PAPPA: variants seen among roughly 807,000 people sequenced by gnomAD.
PAPPA encodes the protein pappalysin-1.
In PAPPA, 60 loss-of-function variants were observed where a neutral mutation model predicts 164.0. The ratio of observed to expected loss-of-function variants is 0.37; its 90% CI spans 0.30 to 0.45. The LOEUF (loss-of-function observed/expected upper bound fraction) is 0.45, where lower values mean the gene tolerates loss of function less well. Among genes scored for constraint, PAPPA ranks in the 20% least tolerant of loss-of-function variants. The pLI is 1.00. For missense variants in PAPPA, 1,782 were observed against 2,087.3 expected (o/e 0.85, Z 2.85); for synonymous variants, 875 against 814.1 (o/e 1.07, Z -1.27).
At chr9:116,248,298 A>G (rs1844820393) in intron 7 of PAPPA, among the ~76,000 whole-genome samples, 1 of 152,248 alleles carries the variant, frequency 6.6e-6, no homozygotes, top group African/African-American at 2.4e-5. Flanking sequence ...CCTGGATTCT[A>G]GTACTGGTAT....
chr9:116,291,393 A>T (rs541023552), intron 9 of PAPPA, among the ~76,000 whole-genome samples: 56 of 152,284 alleles, frequency 3.7e-4, no homozygotes, highest in African/African-American at 1.3e-3. Flanking sequence ...TCCCCCTAAT[A>T]TGTGCTTGGA....
In PAPPA at chr9:116,154,585, C is replaced by A; in HGVS notation, c.413C>A (p.Thr138Lys). ...EGGQRSPAVITGLYDKCSYIS... is the reference protein window; with the variant it reads ...EGGQRSPAVIKGLYDKCSYIS... Reference sequence around the variant, plus strand: ...GGCCAGAGGTCTCCGGCAGTGATCACAGGTAGGTGAGGGCGCCTCGGCGGG... The same window carrying A: ...GGCCAGAGGTCTCCGGCAGTGATCAAAGGTAGGTGAGGGCGCCTCGGCGGG... Residue 138 changes from threonine (T) to lysine (K), a missense_variant and splice_region_variant, in exon 1 of 22, where the codon ACA (threonine) becomes AAA (lysine). Coordinates refer to ENST00000328252, the MANE Select transcript of PAPPA (RefSeq NM_002581.5). The surrounding 1 kb of genome is among the most constrained non-coding windows in gnomAD (Gnocchi z 5.2). 1 of 1,359,780 alleles carries A rather than the reference C, an allele frequency of 7.4e-7. No individual in the cohort carries two copies. The allele number at this position is 1,359,780 out of a possible 1,614,324, so 84.2% of individuals were successfully genotyped here. A position where few individuals can be genotyped will look rare whatever the true frequency, so the allele number is the denominator to read the frequency against.
intron 2 of PAPPA, among the ~76,000 whole-genome samples, chr9:116,203,501 T>C (rs1047856395): frequency 2.6e-5 from 4 of 152,112 alleles, no homozygotes; most frequent in African/African-American, 9.7e-5. Flanking sequence ...CCAAAGCAGA[T>C]TGATAAGTAC....
intron 2 of PAPPA, among the ~76,000 whole-genome samples, chr9:116,205,106 A>G (rs1308764955): frequency 6.7e-6 from 1 of 149,038 alleles, no homozygotes; most frequent in Non-Finnish European, 1.5e-5. Flanking sequence ...GGGTTCCCCT[A>G]GGAGAGGTGG....
At chr9:116,183,298 T>C (rs1470945063) in intron 1 of PAPPA, among the ~76,000 whole-genome samples, 1 of 152,160 alleles carries the variant, frequency 6.6e-6, no homozygotes, top group Admixed American at 6.5e-5. Context: ...AATCAACACA[T>C]ATTTTTGAGC....
At chr9:116,255,974 T>C (rs1368361307) in intron 7 of PAPPA, among the ~76,000 whole-genome samples, 1 of 151,062 alleles carries the variant, frequency 6.6e-6, no homozygotes, top group Non-Finnish European at 1.5e-5. Flanking sequence ...TACTGCTCAG[T>C]ATGGTGTGAA....
intron 7 of PAPPA, among the ~76,000 whole-genome samples, chr9:116,240,529 T>C (rs1172870626): frequency 6.6e-6 from 1 of 152,136 alleles, no homozygotes; most frequent in Non-Finnish European, 1.5e-5. Flanking sequence ...GGTTCTGGAA[T>C]GAAGAATGAG....
intron 9 of PAPPA, among the ~76,000 whole-genome samples, chr9:116,296,082 G>A (rs1845502680): frequency 1.3e-5 from 2 of 152,184 alleles, no homozygotes; most frequent in South Asian, 4.1e-4. Flanking sequence ...GAATTACTGG[G>A]TTCTTAGTGT....
chr9:116,227,535 G>T lies in PAPPA; in HGVS notation c.2216G>T (p.Ser739Ile). Residue 739 changes from serine (S) to isoleucine (I), a missense_variant, in exon 6 of 22, where the codon AGC (serine) becomes ATC (isoleucine). Around this residue, in one of 2 missense-constraint regions of PAPPA, gnomAD observed 1,324 missense variants for 1,656.9 expected, o/e 0.80. Coordinates refer to ENST00000328252, the MANE Select transcript of PAPPA (RefSeq NM_002581.5). ...CCCTGCAGCCCATCAGGACACTGGA[G>T]CCCTCGTGAAGCAGAAGGTAAGCCA... ...PMPCSPSGHW[S>I]PREAEGHPDV... is the part of the protein sequence containing the mutation. The T allele has an allele frequency of 6.2e-7, 1 of 1,614,012 alleles. No homozygotes were observed. Among genetic ancestry groups the T allele is most frequent in the Non-Finnish European group, 8.5e-7 (1 of 1,179,958 alleles).
chr9:116,235,566 G>A lies in PAPPA; in HGVS notation c.2661G>A (p.Lys887=). The change falls in exon 7 of 22, where the codon AAG becomes AAA. Residue 887 remains lysine, a synonymous_variant. Coordinates refer to ENST00000328252, the MANE Select transcript of PAPPA (RefSeq NM_002581.5). ...LCLQCKPLKY[K]VVRDPPLQMD... The stretch of plus-strand genomic sequence containing the variant: ...TACAGTGTAAGCCCCTGAAGTATAA[G>A]GTGGTCCGGGACCCTCCTCTCCAGA... 6.2e-7 allele frequency: 1 copy of A among 1,613,614 alleles called. No homozygotes were observed.
At chr9:116,332,268 T>A (rs1846002651) in intron 11 of PAPPA, 65 bp from the exon 12 acceptor site, 2 of 1,471,696 alleles carry the variant, frequency 1.4e-6, no homozygotes, top group Non-Finnish European at 1.9e-6. Context: ...TGCACCCCAA[T>A]GTGGCTGCCT....
chr9:116,322,436 G>A (rs923381260), intron 10 of PAPPA, among the ~76,000 whole-genome samples: 8 of 143,744 alleles, frequency 5.6e-5, no homozygotes, highest in Admixed American at 3.5e-4. Context: ...AAAAAAAAGA[G>A]CTGGTGCCCT....
At chr9:116,305,066 C>A (rs1681684591) in intron 10 of PAPPA, among the ~76,000 whole-genome samples, 1 of 151,876 alleles carries the variant, frequency 6.6e-6, no homozygotes, top group South Asian at 2.1e-4. Flanking sequence ...AACACACACA[C>A]ACACACACCC....
intron 17 of PAPPA, among the ~76,000 whole-genome samples, chr9:116,360,294 T>C (rs900178945): frequency 6.6e-6 from 1 of 150,856 alleles, no homozygotes; most frequent in Non-Finnish European, 1.5e-5. Context: ...TGAAGCCACA[T>C]GAAGCTGCGT....
rs531134805 is a variant in PAPPA, at chr9:116,253,694, A to G, written c.2733-12163A>G. On this transcript the variant is annotated intron_variant, in intron 7 of 21. Coordinates refer to ENST00000328252, the MANE Select transcript of PAPPA (RefSeq NM_002581.5). Reference sequence around the variant, plus strand: ...CATACATAGTCATCACTCAGTGGAAAAAACTGTGTGTATATAACTTTAATA... The same window carrying G: ...CATACATAGTCATCACTCAGTGGAAGAAACTGTGTGTATATAACTTTAATA... 3.3e-5 allele frequency among the ~76,000 whole-genome samples: 5 copies of G among 152,338 alleles called. No individual in the cohort carries two copies. The South Asian group carries it at 8.3e-4, about 25-fold the overall frequency.
At chr9:116,298,501 G>A (rs1375248080) in intron 9 of PAPPA, among the ~76,000 whole-genome samples, 2 of 152,144 alleles carry the variant, frequency 1.3e-5, no homozygotes, top group Non-Finnish European at 2.9e-5. Context: ...AGATGGCGTG[G>A]GATGGAGAAA....
intron 9 of PAPPA, among the ~76,000 whole-genome samples, chr9:116,291,282 G>T (rs1291310377): frequency 1.3e-5 from 2 of 151,918 alleles, no homozygotes; most frequent in African/African-American, 2.4e-5. Context: ...TTCAAATTCA[G>T]TTAGGATAGA....
In PAPPA at chr9:116,220,148, G is replaced by A. The variant is rs200154054; in HGVS notation, c.2111+19G>A. 276 of 1,576,520 alleles carry A rather than the reference G, an allele frequency of 1.8e-4. 2 individuals are homozygous for A. The East Asian group carries it at 4.4e-3, about 25-fold the overall frequency. On this transcript the variant is annotated intron_variant, in intron 5 of 21. Coordinates refer to ENST00000328252, the MANE Select transcript of PAPPA (RefSeq NM_002581.5). ...TTGAAAGGTGAGTGTGCCCTGTGTA[G>A]TGTTGATCCCTCTCTCTCTCTCCTG...
rs562555668 is a variant in PAPPA, at chr9:116,154,008, C to T, written c.-165C>T. ...TCAAAGGTGGGGAGAGTGGAGCACA[C>T]ACCTTGAGGAGGAAAGCGAGAAAGA... On this transcript the variant is annotated 5_prime_UTR_variant, in exon 1 of 22. Coordinates refer to ENST00000328252, the MANE Select transcript of PAPPA (RefSeq NM_002581.5). The surrounding 1 kb of genome is among the most constrained non-coding windows in gnomAD (Gnocchi z 5.2). 183 of 871,800 alleles carry T rather than the reference C, an allele frequency of 2.1e-4. 2 individuals are homozygous for T. In the Admixed American group the frequency reaches 8.2e-3, roughly 39 times the overall value. The allele number at this position is 871,800 out of a possible 1,614,324, so 54.0% of individuals were successfully genotyped here.
Sources: gnomAD v4.1 joint callset for allele counts (sites outside exome capture counted in the v4.1 genomes callset) on GRCh38, gnomAD v4.1.1 for gene constraint, gnomAD v4.1.1 regional missense constraint, Gnocchi (gnomAD v3.1) non-coding constraint, MANE v1.5 for transcripts, NCBI Gene and HGNC (gene_info 2026-07-23, HGNC 2026-07-21) for gene names.